Variants in KNTC1 observed in about 807,000 individuals in gnomAD.
KNTC1 encodes the protein kinetochore associated 1.
A neutral mutation model predicts 314.4 loss-of-function variants in KNTC1; 253 were observed. The ratio of observed to expected loss-of-function variants is 0.80; its 90% CI spans 0.73 to 0.89. The LOEUF (loss-of-function observed/expected upper bound fraction) is 0.89, where lower values mean the gene tolerates loss of function less well. KNTC1 is among the 40% of genes least tolerant of loss of function. The probability of loss-of-function intolerance (pLI) is 0.00; values close to 1 mark genes in which losing one functional copy is unlikely to be tolerated. For missense variants in KNTC1, 2,475 were observed against 2,572.9 expected, an observed-to-expected ratio of 0.96 and a Z score of 0.82; for synonymous variants, 901 against 901.4, an observed-to-expected ratio of 1.00 and a Z score of 0.01.
intron 27 of KNTC1, 73 bp from the exon 28 acceptor site, chr12:122,575,470 T>C: frequency 1.0e-6 from 1 of 956,532 alleles, no homozygotes; most frequent in Non-Finnish European, 1.6e-6. Context: ...ACCTGCTGAT[T>C]AGACTGTGCT....
chr12:122,581,785 G>A lies in KNTC1; in HGVS notation c.2983-920G>A, dbSNP rs538635615. ...ACTGGGATTATAGGTGTGAGCCACC[G>A]TGCGTGGATGCATTATTAATTTTGT... is the stretch of plus-strand genomic sequence containing the variant. On this transcript the variant is annotated intron_variant, in intron 33 of 63. Coordinates refer to ENST00000333479, the MANE Select transcript of KNTC1 (RefSeq NM_014708.6). Among the ~76,000 whole-genome samples the A allele has an allele frequency of 5.3e-5, 8 of 152,270 alleles. No individual in the cohort carries two copies. In the East Asian group the frequency reaches 7.7e-4, roughly 15 times the overall value.
intron 20 of KNTC1, among the ~76,000 whole-genome samples, chr12:122,567,014 C>T (rs1054801849): frequency 1.3e-5 from 2 of 151,860 alleles, no homozygotes; most frequent in Non-Finnish European, 2.9e-5. Flanking sequence ...GGAATATAGA[C>T]ATGAGCCACT....
At chr12:122,619,937 G>C (rs1874235334) in intron 59 of KNTC1, 1 of 152,144 alleles carries the variant, frequency 6.6e-6, no homozygotes, top group Non-Finnish European at 1.5e-5. Context: ...GGGAGTCTGA[G>C]GCGAGTGGAT....
At chr12:122,596,311 G>A (rs1593644248) in intron 43 of KNTC1, among the ~76,000 whole-genome samples, 1 of 151,878 alleles carries the variant, frequency 6.6e-6, no homozygotes, top group Admixed American at 6.6e-5. Context: ...TTGAACTCCT[G>A]AGCTCAGGCA....
intron 44 of KNTC1, among the ~76,000 whole-genome samples, chr12:122,599,005 TA>T (rs546566725): frequency 3.7e-4 from 56 of 151,070 alleles, no homozygotes; most frequent in South Asian, 2.7e-3. Flanking sequence ...TTTTTTAAAT[TA>T]AAAAAAAAAT....
chr12:122,557,498 C>T lies in KNTC1; in HGVS notation c.1387C>T (p.His463Tyr), dbSNP rs753135608. ...QLVDDAKENL[H>Y]KIQDDEFVVN... Reference sequence around the variant, plus strand: ...TGTAGACGACGCTAAGGAAAATCTACATAAGATCCAGGTATGTTTTTCTTG... The same window carrying T: ...TGTAGACGACGCTAAGGAAAATCTATATAAGATCCAGGTATGTTTTTCTTG... The change falls in exon 17 of 64, where the codon CAT becomes TAT. Residue 463 changes from histidine to tyrosine, a missense_variant. Physicochemically the swap from His to Tyr is moderately conservative, Grantham distance 83. Transcript: ENST00000333479. 4 of 1,613,636 alleles carry T rather than the reference C, an allele frequency of 2.5e-6. No homozygotes were observed. The highest frequency in any genetic ancestry group is 3.3e-5 in the Admixed American group (2 of 59,956).
chr12:122,542,210 T>G (rs1270223101), intron 6 of KNTC1, 83 bp downstream of exon 6: 1 of 932,964 alleles, frequency 1.1e-6, no homozygotes, highest in Non-Finnish European at 1.6e-6. Flanking sequence ...TTTTAAGTAC[T>G]CTCTTTAAGC....
At chr12:122,585,496 C>A in intron 36 of KNTC1, 140 bp from the exon 37 acceptor site, 1 of 836,468 alleles carries the variant, frequency 1.2e-6, no homozygotes, top group Non-Finnish European at 1.9e-6. Flanking sequence ...AAACATTGGG[C>A]CTCCAGCAAG....
intron 57 of KNTC1, 53 bp from the exon 58 acceptor site, chr12:122,618,290 G>T: frequency 6.5e-7 from 1 of 1,533,306 alleles, no homozygotes. Context: ...AAATTAAAGA[G>T]AGTTTGTAAT....
chr12:122,528,720 CATCTGCCTGT>C (rs1349809006), intron 1 of KNTC1, among the ~76,000 whole-genome samples: 1 of 152,202 alleles, frequency 6.6e-6, no homozygotes, highest in Non-Finnish European at 1.5e-5. Flanking sequence ...AGCCTAGGAA[CATCTGCCTGT>C]ATACTTTAAA....
intron 29 of KNTC1, 90 bp from the exon 30 acceptor site, chr12:122,576,805 A>ATT (rs145299175): frequency 6.1e-6 from 6 of 980,834 alleles, no homozygotes; most frequent in Non-Finnish European, 7.1e-6. Context: ...CATTATTTAA[A>ATT]TTTTTTTGCC....
At chr12:122,542,002 A>G in intron 5 of KNTC1, 48 bp from the exon 6 acceptor site, 1 of 1,473,610 alleles carries the variant, frequency 6.8e-7, no homozygotes, top group Non-Finnish European at 9.1e-7. Context: ...CGACAGAATG[A>G]GACTCCATCT....
chr12:122,610,644 C>T (rs1007696778), intron 52 of KNTC1, among the ~76,000 whole-genome samples, 178 bp from the exon 53 acceptor site: 10 of 152,168 alleles, frequency 6.6e-5, no homozygotes, highest in Non-Finnish European at 1.5e-4. Flanking sequence ...AATGAAAGAA[C>T]TCAAGAAAAA....
chr12:122,612,113 C>T (rs1225067059), intron 53 of KNTC1, among the ~76,000 whole-genome samples: 8 of 150,430 alleles, frequency 5.3e-5, no homozygotes, highest in Non-Finnish European at 7.4e-5. Context: ...TCACCCAGGT[C>T]GGAGAGCAGT....
At chr12:122,573,573 G>A (rs962042738) in intron 26 of KNTC1, among the ~76,000 whole-genome samples, 6 of 152,080 alleles carry the variant, frequency 3.9e-5, no homozygotes, top group Admixed American at 6.6e-5. Flanking sequence ...AAGTCCTGAC[G>A]ACATGTACCC....
intron 42 of KNTC1, 80 bp downstream of exon 42, chr12:122,591,533 T>G: frequency 3.7e-6 from 3 of 812,250 alleles, no homozygotes; most frequent in Non-Finnish European, 6.4e-6. Flanking sequence ...CTGTTGTTCT[T>G]TACTTTTGGG....
chr12:122,604,233 C>T (rs1472388286), intron 48 of KNTC1, among the ~76,000 whole-genome samples: 1 of 135,752 alleles, frequency 7.4e-6, no homozygotes, highest in Non-Finnish European at 1.5e-5. Flanking sequence ...AGTGCAGTGG[C>T]GTGATCTTGG....
intron 26 of KNTC1, among the ~76,000 whole-genome samples, chr12:122,574,020 T>A (rs1243409506): frequency 2.0e-5 from 3 of 152,228 alleles, no homozygotes; most frequent in Non-Finnish European, 4.4e-5. Flanking sequence ...GTTATTAATG[T>A]GCTACAGTAA....
At chr12:122,586,042 GCT>G (rs1443693163) in intron 37 of KNTC1, among the ~76,000 whole-genome samples, 1 of 150,814 alleles carries the variant, frequency 6.6e-6, no homozygotes, top group Non-Finnish European at 1.5e-5. Flanking sequence ...GAGCTGGGGA[GCT>G]GGCAATGTTT....
Sources: allele counts gnomAD v4.1 joint callset (sites outside exome capture counted in the v4.1 genomes callset), GRCh38; gene constraint gnomAD v4.1.1; transcripts MANE v1.5; gene names NCBI Gene and HGNC (gene_info 2026-07-23, HGNC 2026-07-21).